ZEB1: variants seen among roughly 807,000 people sequenced by gnomAD.
ZEB1 encodes zinc finger E-box-binding homeobox 1.
A neutral mutation model predicts 84.9 loss-of-function variants in ZEB1; 21 were observed. The ratio of observed to expected loss-of-function variants is 0.25; its 90% confidence interval spans 0.18 to 0.36. The LOEUF (loss-of-function observed/expected upper bound fraction) is 0.36. Ranked by LOEUF, ZEB1 falls within the 10% of genes least tolerant of loss-of-function variation. The pLI is 1.00. For missense variants in ZEB1, 1,104 were observed against 1,330.2 expected, an observed-to-expected ratio of 0.83 and a Z score of 2.65; for synonymous variants, 420 against 471.1, an observed-to-expected ratio of 0.89 and a Z score of 1.41.
At chr10:31,479,369 A>G (rs1246288147) in intron 2 of ZEB1, among the ~76,000 whole-genome samples, 1 of 151,914 alleles carries the variant, frequency 6.6e-6, no homozygotes, top group African/African-American at 2.4e-5. Flanking sequence ...TCTTCTAGAA[A>G]TTTGAAGATA....
At chr10:31,373,566 T>C (rs77828033) in intron 1 of ZEB1, among the ~76,000 whole-genome samples, 7 of 151,836 alleles carry the variant, frequency 4.6e-5, no homozygotes, top group African/African-American at 1.7e-4. Context: ...CTTCTTAAAA[T>C]AGACATGCAT....
intron 1 of ZEB1, among the ~76,000 whole-genome samples, chr10:31,405,499 T>C (rs957937893): frequency 2.0e-5 from 3 of 152,196 alleles, no homozygotes; most frequent in African/African-American, 7.2e-5. Context: ...TAGTAATTAT[T>C]CTTTCCTAGT....
intron 1 of ZEB1, among the ~76,000 whole-genome samples, chr10:31,429,423 C>T (rs1409473174): frequency 1.3e-5 from 2 of 151,984 alleles, no homozygotes; most frequent in African/African-American, 4.8e-5. Context: ...AGGCCATTAT[C>T]CTTAGCAAAC....
chr10:31,448,997 C>T (rs1219669521), intron 1 of ZEB1, among the ~76,000 whole-genome samples: 7 of 152,158 alleles, frequency 4.6e-5, no homozygotes, highest in African/African-American at 1.7e-4. Flanking sequence ...CAATGGCGGG[C>T]GCCCCTCCCC....
At chr10:31,350,466 C>G (rs2041127703) in intron 1 of ZEB1, among the ~76,000 whole-genome samples, 1 of 152,132 alleles carries the variant, frequency 6.6e-6, no homozygotes, top group Non-Finnish European at 1.5e-5. Flanking sequence ...TAGGAGAAAT[C>G]TGAGTCTAGT....
intron 1 of ZEB1, among the ~76,000 whole-genome samples, chr10:31,344,523 G>T (rs1374412819): frequency 4.6e-5 from 7 of 152,170 alleles, no homozygotes; most frequent in African/African-American, 1.4e-4. Context: ...TTAGTAATAT[G>T]CTTAGGCTCA....
rs377208781 is a variant in ZEB1, at chr10:31,360,749, T to G, written c.58+41457T>G. Among the ~76,000 whole-genome samples, 4 of 152,164 alleles carry G rather than the reference T, an allele frequency of 2.6e-5. No individual in the cohort carries two copies. The East Asian group carries it at 7.7e-4, about 29-fold the overall frequency. On this transcript the variant is annotated intron_variant, in intron 1 of 8. Transcript: ENST00000424869. ...ATATTTTATGAATATCCCCAGAGAG[T>G]TCGTAAATTAGTGAGTGATTTTTTT...
chr10:31,369,904 A>G (rs1166400894), intron 1 of ZEB1, among the ~76,000 whole-genome samples: 4 of 152,204 alleles, frequency 2.6e-5, no homozygotes, highest in Non-Finnish European at 5.9e-5. Context: ...CTACTCTAAC[A>G]GGTGTAAAGT....
At chr10:31,361,670 C>T (rs181998175) in intron 1 of ZEB1, among the ~76,000 whole-genome samples, 1 of 151,114 alleles carries the variant, frequency 6.6e-6, no homozygotes, top group Non-Finnish European at 1.5e-5. Context: ...TCCTCACTTT[C>T]CAGACAGGGC....
chr10:31,392,281 A>C (rs545425471), intron 1 of ZEB1, among the ~76,000 whole-genome samples: 1 of 152,312 alleles, frequency 6.6e-6, no homozygotes, highest in East Asian at 1.9e-4. Flanking sequence ...TTCTCTCTTC[A>C]AATTCTGTCT....
At chr10:31,454,674 GAAT>G (rs1278403984) in intron 1 of ZEB1, among the ~76,000 whole-genome samples, 3 of 152,034 alleles carry the variant, frequency 2.0e-5, no homozygotes, top group Non-Finnish European at 2.9e-5. Context: ...ACTATTAAAA[GAAT>G]AAAGTACCTA....
chr10:31,473,967 C>A (rs554086772), intron 2 of ZEB1, among the ~76,000 whole-genome samples: 1 of 152,144 alleles, frequency 6.6e-6, no homozygotes, highest in South Asian at 2.1e-4. Context: ...GGAAAGGATT[C>A]CCTATTTAAT....
Position 31,511,161 on chromosome 10 carries a change from T to A in ZEB1, c.687+286T>A, listed in dbSNP as rs932306666. 2.0e-5 allele frequency among the ~76,000 whole-genome samples: 3 copies of A among 152,214 alleles called. No individual in the cohort carries two copies. In the South Asian group the frequency reaches 6.2e-4, roughly 32 times the overall value. ...TTGCTTATGCCATAACAGTTAATTC[T>A]TCAAGTTTAGAAGATGTTAAATTGC... is the stretch of plus-strand genomic sequence containing the variant. On this transcript the variant is annotated intron_variant, in intron 5 of 8. Coordinates refer to ENST00000424869, the MANE Select transcript of ZEB1 (RefSeq NM_001174096.2).
chr10:31,462,343 G>T (rs967765012), intron 2 of ZEB1, among the ~76,000 whole-genome samples: 3 of 152,158 alleles, frequency 2.0e-5, no homozygotes, highest in Non-Finnish European at 4.4e-5. Context: ...GTAGAAATTG[G>T]TTGCAACTGT....
At chr10:31,354,185 CAAT>C (rs2041757713) in intron 1 of ZEB1, among the ~76,000 whole-genome samples, 1 of 152,078 alleles carries the variant, frequency 6.6e-6, no homozygotes, top group Non-Finnish European at 1.5e-5. Context: ...TCTTCTGAAA[CAAT>C]GATATTGGAA....
intron 2 of ZEB1, among the ~76,000 whole-genome samples, chr10:31,476,214 C>T (rs2064155423): frequency 6.6e-6 from 1 of 151,730 alleles, no homozygotes; most frequent in Non-Finnish European, 1.5e-5. Flanking sequence ...AGACCACTAA[C>T]TAGTTTAATG....
At chr10:31,446,995 T>C (rs563062241) in intron 1 of ZEB1, among the ~76,000 whole-genome samples, 34 of 151,818 alleles carry the variant, frequency 2.2e-4, no homozygotes, top group African/African-American at 6.5e-4. Context: ...CGTTGATCTG[T>C]CTAATGTTGA....
At position 31,319,244 on chromosome 10, in the gene ZEB1, G is replaced by A. The variant is rs1212348980; in HGVS notation, c.10G>A (p.Gly4Ser). 6 of 1,609,924 alleles carry A rather than the reference G, an allele frequency of 3.7e-6. No homozygotes were observed. Among genetic ancestry groups the A allele is most frequent in the Middle Eastern group, 1.7e-4 (1 of 5,842 alleles). The change falls in exon 1 of 9, where the codon GGC (glycine) becomes AGC (serine). Residue 4 changes from glycine (G) to serine (S), a missense_variant. Gly to Ser is a moderately conservative substitution (Grantham distance 56, BLOSUM62 0). Around this residue, in one of 7 missense-constraint regions of ZEB1, gnomAD observed 162 missense variants for 184.5 expected, o/e 0.88. Coordinates refer to ENST00000424869, the MANE Select transcript of ZEB1 (RefSeq NM_001174096.2). The part of the protein sequence containing the change: MAD[G>S]PRCKRRKQAN... ...CACAAGCGAGAGGATCATGGCGGAT[G>A]GCCCCAGGTGTAAGCGCAGAAAGCA...
At chr10:31,405,573 A>C (rs1276089299) in intron 1 of ZEB1, among the ~76,000 whole-genome samples, 1 of 152,088 alleles carries the variant, frequency 6.6e-6, no homozygotes, top group African/African-American at 2.4e-5. Context: ...TTTTTTAAAG[A>C]TTTTGGAAAT....
Sources: allele counts gnomAD v4.1 joint callset (sites outside exome capture counted in the v4.1 genomes callset), GRCh38; gene constraint gnomAD v4.1.1; regional missense constraint gnomAD v4.1.1; transcripts MANE v1.5; gene names NCBI Gene and HGNC (gene_info 2026-07-23, HGNC 2026-07-21).